Variants in MBD5 observed in about 807,000 individuals in gnomAD.
The protein encoded by MBD5 is methyl-CpG-binding domain protein 5.
Under a neutral mutation model 117.3 loss-of-function variants are expected in MBD5, and 13 were observed. That is an observed-to-expected ratio of 0.11 (90% CI 0.07 to 0.18). MBD5 has a LOEUF of 0.18. MBD5 is among the 10% of genes least tolerant of loss of function. The probability of loss-of-function intolerance (pLI) is 1.00; values close to 1 mark genes in which losing one functional copy is unlikely to be tolerated. For synonymous variants in MBD5, 727 were observed against 766.4 expected, an observed-to-expected ratio of 0.95 and a Z score of 0.85; for missense variants, 1,879 against 2,093.8, an observed-to-expected ratio of 0.90 and a Z score of 2.00.
At chr2:148,063,888 T>C (rs1305522977) in intron 1 of MBD5, among the ~76,000 whole-genome samples, 1 of 152,126 alleles carries the variant, frequency 6.6e-6, no homozygotes, top group Non-Finnish European at 1.5e-5. Context: ...TTTAGTCCAG[T>C]AATCACGTGC....
chr2:148,145,925 C>G (rs7568722), intron 1 of MBD5, among the ~76,000 whole-genome samples: 62,442 of 151,914 alleles, frequency 0.41, 13,135 homozygotes, highest in South Asian at 0.5. Flanking sequence ...TTGGCTGTGT[C>G]TCTGCCAGGC....
intron 1 of MBD5, among the ~76,000 whole-genome samples, chr2:148,119,216 T>C (rs550933714): frequency 4.0e-4 from 61 of 152,330 alleles, no homozygotes; most frequent in African/African-American, 1.4e-3. Flanking sequence ...TTTTAGTGAA[T>C]GTGAAATGGT....
chr2:148,159,030 T>C (rs1697941437), intron 1 of MBD5, among the ~76,000 whole-genome samples: 1 of 152,104 alleles, frequency 6.6e-6, no homozygotes, highest in African/African-American at 2.4e-5. Context: ...CCCCATTATT[T>C]CCTGTAATCT....
intron 1 of MBD5, among the ~76,000 whole-genome samples, chr2:148,176,304 GTTTTT>G (rs34981118): frequency 2.0e-5 from 2 of 98,922 alleles, no homozygotes; most frequent in Non-Finnish European, 4.1e-5. Context: ...TTAGAGTTTT[GTTTTT>G]TTTTTTTTTT....
intron 3 of MBD5, among the ~76,000 whole-genome samples, chr2:148,258,509 A>G (rs752698494): frequency 3.3e-5 from 5 of 152,068 alleles, no homozygotes; most frequent in Admixed American, 6.6e-5. Context: ...GTGGCCTCCA[A>G]TCGTCCAGTG....
intron 1 of MBD5, among the ~76,000 whole-genome samples, chr2:148,060,349 CT>C (rs2105820507): frequency 6.6e-6 from 1 of 150,982 alleles, no homozygotes; most frequent in Non-Finnish European, 1.5e-5. Context: ...GAGAGGCATA[CT>C]TTATATATCT....
At chr2:148,095,387 A>C (rs1250748950) in intron 1 of MBD5, among the ~76,000 whole-genome samples, 1 of 152,182 alleles carries the variant, frequency 6.6e-6, no homozygotes, top group Non-Finnish European at 1.5e-5. Flanking sequence ...TCTGCTCAAG[A>C]AATGATTTAT....
In MBD5 at chr2:148,485,865, A is replaced by G. The variant is rs1429975125; in HGVS notation, c.3668A>G (p.Gln1223Arg). The G allele has an allele frequency of 3.7e-6, 6 of 1,614,166 alleles. No homozygotes were observed. The highest frequency in any genetic ancestry group is 5.1e-6 in the Non-Finnish European group (6 of 1,179,994). Residue 1223 changes from glutamine to arginine, a missense_variant, in exon 10 of 14, where the codon CAG (glutamine) becomes CGG (arginine). Physicochemically the swap from Gln to Arg is conservative, Grantham distance 43. Around this residue, in one of 4 missense-constraint regions of MBD5, gnomAD observed 1,666 missense variants for 1,792.2 expected, o/e 0.93. Coordinates refer to ENST00000642680, the MANE Select transcript of MBD5 (RefSeq NM_001378120.1). ...CAGCAGCAACTTCTCCAGGGGTACC[A>G]GAATCTCCAGGCGTTCCAAGGACAG... is the stretch of plus-strand genomic sequence containing the variant. ...QQQQQLLQGY[Q>R]NLQAFQGQST...
intron 3 of MBD5, among the ~76,000 whole-genome samples, chr2:148,307,146 T>C (rs937417523): frequency 6.6e-6 from 1 of 152,154 alleles, no homozygotes; most frequent in Non-Finnish European, 1.5e-5. Flanking sequence ...CCAAAGTAAT[T>C]ATAAAAGGTT....
intron 3 of MBD5, among the ~76,000 whole-genome samples, chr2:148,337,063 G>A (rs1317052103): frequency 6.6e-6 from 1 of 152,156 alleles, no homozygotes; most frequent in African/African-American, 2.4e-5. Flanking sequence ...ACAATGGAAT[G>A]TTTAGGATTC....
At chr2:148,113,006 T>C (rs1211723898) in intron 1 of MBD5, among the ~76,000 whole-genome samples, 1 of 152,088 alleles carries the variant, frequency 6.6e-6, no homozygotes. Context: ...AATAAATAAA[T>C]CAATGAATAA....
At chr2:148,269,513 T>A (rs1700934097) in intron 3 of MBD5, among the ~76,000 whole-genome samples, 1 of 151,860 alleles carries the variant, frequency 6.6e-6, no homozygotes, top group Non-Finnish European at 1.5e-5. Context: ...TACAAAATCA[T>A]TTTTCTCACA....
Position 148,469,865 on chromosome 2 carries a change from G to A in MBD5, c.1922G>A (p.Arg641Gln). The A allele has an allele frequency of 1.2e-6, 2 of 1,613,912 alleles. No homozygotes were observed. The highest frequency in any genetic ancestry group is 1.7e-6 in the Non-Finnish European group (2 of 1,179,908). ...CCAACAGGTGAAGGGCAAAGTGGTC[G>A]AGCAGCACTAAGAGATAAGCTGATG... ...LLPTGEGQSG[R>Q]AALRDKLMSQ... is the part of the protein sequence containing the mutation. The change falls in exon 8 of 14, where the codon CGA becomes CAA. Residue 641 changes from arginine to glutamine, a missense_variant. Physicochemically the swap from Arg to Gln is conservative, Grantham distance 43. Coordinates refer to ENST00000642680, the MANE Select transcript of MBD5 (RefSeq NM_001378120.1).
At chr2:148,052,578 A>G (rs1246293505) in intron 1 of MBD5, among the ~76,000 whole-genome samples, 4 of 122,964 alleles carry the variant, frequency 3.3e-5, no homozygotes, top group African/African-American at 2.8e-5. Flanking sequence ...TCTGCATACT[A>G]TAAGTTTTCA....
At chr2:148,251,974 G>A (rs766958440) in intron 3 of MBD5, among the ~76,000 whole-genome samples, 4 of 152,172 alleles carry the variant, frequency 2.6e-5, no homozygotes, top group Non-Finnish European at 5.9e-5. Flanking sequence ...TCAGCCAAGT[G>A]TGGTAAATTT....
intron 1 of MBD5, among the ~76,000 whole-genome samples, chr2:148,165,634 T>A (rs933422336): frequency 1.3e-5 from 2 of 152,126 alleles, no homozygotes; most frequent in Non-Finnish European, 2.9e-5. Context: ...ATTTGCAGTC[T>A]TCTGTGCCAA....
At position 148,470,242 on chromosome 2, in the gene MBD5, A is replaced by G; in HGVS notation, c.2299A>G (p.Asn767Asp). ...EAVHCHNANT[N>D]FVHSNSPVPN... Reference sequence around the variant, plus strand: ...CGTGCACTGCCACAATGCAAACACTAACTTTGTTCACAGTAACAGTCCAGT... The same window carrying G: ...CGTGCACTGCCACAATGCAAACACTGACTTTGTTCACAGTAACAGTCCAGT... The change falls in exon 8 of 14, where the codon AAC (asparagine) becomes GAC (aspartate). Residue 767 changes from asparagine to aspartate, a missense_variant. Around this residue, in one of 4 missense-constraint regions of MBD5, gnomAD observed 1,666 missense variants for 1,792.2 expected, o/e 0.93. Coordinates refer to ENST00000642680, the MANE Select transcript of MBD5 (RefSeq NM_001378120.1). 6.2e-7 allele frequency: 1 copy of G among 1,613,970 alleles called. No homozygotes were observed. The highest frequency in any genetic ancestry group is 8.5e-7 in the Non-Finnish European group (1 of 1,179,904).
At chr2:148,220,819 A>G (rs1699669011) in intron 2 of MBD5, among the ~76,000 whole-genome samples, 1 of 152,128 alleles carries the variant, frequency 6.6e-6, no homozygotes. Flanking sequence ...TAAATATACA[A>G]TTAAATTACT....
At chr2:148,109,761 A>T (rs1356109570) in intron 1 of MBD5, among the ~76,000 whole-genome samples, 2 of 152,166 alleles carry the variant, frequency 1.3e-5, no homozygotes, top group African/African-American at 2.4e-5. Flanking sequence ...GTGGCTTGGG[A>T]TGATTTTCAA....
Sources: gnomAD v4.1 joint callset for allele counts (sites outside exome capture counted in the v4.1 genomes callset) on GRCh38, gnomAD v4.1.1 for gene constraint, gnomAD v4.1.1 regional missense constraint, MANE v1.5 for transcripts, NCBI Gene and HGNC (gene_info 2026-07-23, HGNC 2026-07-21) for gene names.